The following LCMT1 variants were observed in gnomAD, a reference collection of about 807,000 sequenced individuals.
The protein encoded by LCMT1 is [Phosphatase 2A protein]-leucine-carboxy methyltransferase 1.
LCMT1 carries 32 observed loss-of-function variants against 47.7 expected under a neutral mutation model. The ratio of observed to expected loss-of-function variants is 0.67; its 90% CI spans 0.51 to 0.90. The LOEUF (loss-of-function observed/expected upper bound fraction) is 0.90. Among genes scored for constraint, LCMT1 ranks in the 40% least tolerant of loss-of-function variants. The pLI is 0.00. For missense variants in LCMT1, 375 were observed against 415.2 expected (o/e 0.90, Z 0.84); for synonymous variants, 152 against 149.7 (o/e 1.02, Z -0.11).
chr16:25,125,414 C>T (rs374461676), intron 1 of LCMT1, among the ~76,000 whole-genome samples: 14 of 152,290 alleles, frequency 9.2e-5, no homozygotes, highest in South Asian at 4.1e-4. Flanking sequence ...TCATTGTGTA[C>T]GCATGTGTTT....
chr16:25,112,553 AAG>A (rs1471463347), intron 1 of LCMT1, among the ~76,000 whole-genome samples: 2 of 152,204 alleles, frequency 1.3e-5, no homozygotes, highest in African/African-American at 2.4e-5. Context: ...GTGTCAGAGA[AAG>A]AGAAAGCTTG....
rs750961845 is a variant in LCMT1 at position 25,128,470 on chromosome 16, TC to T, written c.114-3del. On this transcript the variant is annotated splice_polypyrimidine_tract_variant and splice_region_variant and intron_variant, in intron 1 of 10. Transcript: ENST00000399069. Reference sequence around the variant, plus strand: ...CTCACCTTCCTCCTTTTTTCTCCCTTCCAGGTTTGCAGTAAGCATTGGCTAC... The same window carrying T: ...CTCACCTTCCTCCTTTTTTCTCCCTTCAGGTTTGCAGTAAGCATTGGCTAC... 1.9e-6 allele frequency: 3 copies of T among 1,603,210 alleles called. No individual in the cohort carries two copies. Among genetic ancestry groups the T allele is most frequent in the African/African-American group, 1.3e-5 (1 of 74,756 alleles).
chr16:25,121,441 TA>T (rs1384559060), intron 1 of LCMT1, among the ~76,000 whole-genome samples: 1 of 152,144 alleles, frequency 6.6e-6, no homozygotes, highest in African/African-American at 2.4e-5. Context: ...AATTTCAAAT[TA>T]TTTTTTTCTC....
chr16:25,149,860 C>CT (rs950642292), intron 4 of LCMT1, among the ~76,000 whole-genome samples: 1 of 140,224 alleles, frequency 7.1e-6, no homozygotes, highest in Non-Finnish European at 1.5e-5. Flanking sequence ...CTGCAGTGAG[C>CT]TATGATCACA....
chr16:25,156,130 G>T (rs1344870732), intron 5 of LCMT1, among the ~76,000 whole-genome samples: 6 of 152,032 alleles, frequency 3.9e-5, no homozygotes, highest in Admixed American at 3.9e-4. Flanking sequence ...CTCAGCTGCC[G>T]CTTCCTCAGA....
Position 25,177,981 on chromosome 16 carries a change from C to G in LCMT1, c.983-20C>G, listed in dbSNP as rs141338406. ...GGCCACCAGAGTCTCCTAATGGTGT[C>G]TGTGTGTCTCTCCCCTCAGGGCTGA... On this transcript the variant is annotated intron_variant, in intron 10 of 10. Coordinates refer to ENST00000399069, the MANE Select transcript of LCMT1 (RefSeq NM_016309.3). The G allele has an allele frequency of 3.8e-5, 61 of 1,613,126 alleles. No homozygotes were observed. The highest frequency in any genetic ancestry group is 2.7e-4 in the African/African-American group (20 of 75,028).
intron 1 of LCMT1, among the ~76,000 whole-genome samples, chr16:25,120,731 G>GTTTTTTTTT (rs1434579218): frequency 1.2e-4 from 16 of 132,462 alleles, no homozygotes; most frequent in African/African-American, 3.8e-4. Context: ...ACCTGGCCTT[G>GTTTTTTTTT]TTTTTTTGTT....
intron 9 of LCMT1, among the ~76,000 whole-genome samples, chr16:25,173,563 G>A (rs914944387): frequency 2.0e-4 from 30 of 152,158 alleles, no homozygotes; most frequent in African/African-American, 7.2e-4. Context: ...ACAAGGCCTG[G>A]GCAACTGGCA....
At chr16:25,171,281 G>A (rs1027394489) in intron 9 of LCMT1, among the ~76,000 whole-genome samples, 1 of 151,998 alleles carries the variant, frequency 6.6e-6, no homozygotes, top group African/African-American at 2.4e-5. Flanking sequence ...GGGTGTGGTG[G>A]CACACATCTG....
intron 4 of LCMT1, chr16:25,146,180 AG>A (rs1371386837): frequency 2.6e-5 from 4 of 152,258 alleles, no homozygotes; most frequent in Admixed American, 2.6e-4. Context: ...GCAATTGGAG[AG>A]GAGGCAAATA....
At chr16:25,169,295 AT>A in intron 8 of LCMT1, 82 bp downstream of exon 8, 2 of 909,416 alleles carry the variant, frequency 2.2e-6, no homozygotes, top group Non-Finnish European at 3.6e-6. Flanking sequence ...AGATGTGATC[AT>A]GGAGAAGCCC....
chr16:25,172,295 C>T lies in LCMT1; in HGVS notation c.884+1490C>T, dbSNP rs142492081. On this transcript the variant is annotated intron_variant, in intron 9 of 10. Transcript: ENST00000399069. ...TGTACTCTGGCCTGGGCAACAAGAG[C>T]GAAACTCTGTCTCAAAAAAAAAAAA... Among the ~76,000 whole-genome samples, 503 of 142,342 alleles carry T rather than the reference C, an allele frequency of 3.5e-3. 4 individuals carry two copies. Among genetic ancestry groups the T allele is most frequent in the Middle Eastern group, 0.026 (7 of 270 alleles). 93.4% of individuals were successfully genotyped at this position (142,342 alleles called of 152,430 possible).
chr16:25,162,604 G>A (rs1164946313), intron 6 of LCMT1, among the ~76,000 whole-genome samples: 13 of 143,530 alleles, frequency 9.1e-5, no homozygotes, highest in African/African-American at 3.0e-4. Flanking sequence ...AAAAAAAAAA[G>A]AAAAGAAAAG....
intron 1 of LCMT1, among the ~76,000 whole-genome samples, chr16:25,126,818 G>A (rs1344889008): frequency 1.3e-5 from 2 of 152,206 alleles, no homozygotes; most frequent in Non-Finnish European, 2.9e-5. Context: ...GTGACTTGAT[G>A]TTGCTGCCTT....
chr16:25,170,795 G>A lies in LCMT1; in HGVS notation c.874G>A (p.Glu292Lys). The A allele has an allele frequency of 6.2e-7, 1 of 1,611,072 alleles. No homozygotes were observed. Among genetic ancestry groups the A allele is most frequent in the Non-Finnish European group, 8.5e-7 (1 of 1,177,762 alleles). ...GTTGTACAACAGGTTACCTCGAGCT[G>A]AAGTGAGCAGGTATGGGGTTGGTGA... The part of the protein sequence containing the change: ...MELYNRLPRA[E>K]VSRIESLEFL... Residue 292 changes from glutamate (E) to lysine (K), a missense_variant, in exon 9 of 11, where the codon GAA becomes AAA. Physicochemically the swap from Glu to Lys is moderately conservative, Grantham distance 56. Coordinates refer to ENST00000399069, the MANE Select transcript of LCMT1 (RefSeq NM_016309.3).
chr16:25,130,717 A>G (rs1960325687), intron 2 of LCMT1, among the ~76,000 whole-genome samples: 1 of 152,178 alleles, frequency 6.6e-6, no homozygotes. Flanking sequence ...CCATTTAAGT[A>G]TTTATTTATT....
intron 9 of LCMT1, among the ~76,000 whole-genome samples, chr16:25,173,699 CAG>C (rs1466344915): frequency 3.4e-5 from 5 of 149,222 alleles, no homozygotes; most frequent in African/African-American, 9.8e-5. Context: ...CCTATTTTGA[CAG>C]AAACTTTTTT....
chr16:25,176,092 T>C (rs1961923822), intron 10 of LCMT1, among the ~76,000 whole-genome samples: 1 of 152,142 alleles, frequency 6.6e-6, no homozygotes, highest in Admixed American at 6.6e-5. Flanking sequence ...GAATTTTCCC[T>C]CTTCTCATTA....
intron 9 of LCMT1, among the ~76,000 whole-genome samples, chr16:25,172,131 C>A (rs1961793428): frequency 6.6e-6 from 1 of 151,956 alleles, no homozygotes; most frequent in Non-Finnish European, 1.5e-5. Flanking sequence ...CATGGTGAAA[C>A]CCTGTCTCTA....
Sources: allele counts gnomAD v4.1 joint callset (sites outside exome capture counted in the v4.1 genomes callset), GRCh38; gene constraint gnomAD v4.1.1; transcripts MANE v1.5; gene names NCBI Gene and HGNC (gene_info 2026-07-23, HGNC 2026-07-21).